Variants in ELN observed in about 807,000 individuals in gnomAD.
ELN encodes the protein elastin.
Under a neutral mutation model 105.8 loss-of-function variants are expected in ELN, and 65 were observed. The ratio of observed to expected loss-of-function variants is 0.61; its 90% CI spans 0.50 to 0.75. ELN has a LOEUF of 0.75. Ranked by LOEUF, ELN falls within the 30% of genes least tolerant of loss-of-function variation. ELN has a pLI of 0.00. For missense variants in ELN, 882 were observed against 969.4 expected (o/e 0.91, Z 1.20); for synonymous variants, 368 against 389.2 (o/e 0.95, Z 0.64).
At chr7:74,037,829 G>A in intron 4 of ELN, 90 bp downstream of exon 4, 1 of 1,554,608 alleles carries the variant, frequency 6.4e-7, no homozygotes, top group Non-Finnish European at 8.7e-7. Flanking sequence ...AAGGAAACTA[G>A]GAACAGGACA....
At position 74,043,033 on chromosome 7, in the gene ELN, A is replaced by G. The variant is rs1486339326; in HGVS notation, c.375A>G (p.Ala125=). The G allele has an allele frequency of 1.9e-6, 3 of 1,613,982 alleles. No homozygotes were observed. Among genetic ancestry groups the G allele is most frequent in the Admixed American group, 1.7e-5 (1 of 59,992 alleles). ...GAGTTGGTGGCTTAGGAGTGTCTGC[A>G]GGTACGATGGCTATCCCCGAACTCC... ...VPGVGGLGVS[A]GAVVPQPGAG... The change falls in exon 7 of 33, where the codon GCA becomes GCG. Residue 125 remains alanine, a splice_region_variant and synonymous_variant. Coordinates refer to ENST00000252034, the MANE Select transcript of ELN (RefSeq NM_000501.4).
chr7:74,029,764 C>T (rs1293219017), intron 1 of ELN, among the ~76,000 whole-genome samples: 3 of 152,226 alleles, frequency 2.0e-5, no homozygotes, highest in African/African-American at 7.2e-5. Context: ...ACCCAGCCAC[C>T]CTTCTTCCCA....
chr7:74,052,888 A>C (rs984778015), intron 17 of ELN: 13 of 491,870 alleles, frequency 2.6e-5, no homozygotes, highest in Admixed American at 1.7e-4. Flanking sequence ...AGAGAGAGAG[A>C]GAAAGAAAGA....
chr7:74,041,110 A>G, intron 4 of ELN, 106 bp from the exon 5 acceptor site: 1 of 1,449,392 alleles, frequency 6.9e-7, no homozygotes, highest in Non-Finnish European at 9.7e-7. Context: ...GGACCAGCCT[A>G]GGGACCTGAG....
chr7:74,058,164 C>G (rs535854909), intron 22 of ELN, among the ~76,000 whole-genome samples: 1 of 148,714 alleles, frequency 6.7e-6, no homozygotes, highest in East Asian at 2.0e-4. Flanking sequence ...GCTTCTTTTC[C>G]TTCTCCTCCC....
At chr7:74,048,828 T>TATTCATCTGCCCATCCATGC (rs1554674193) in intron 15 of ELN, among the ~76,000 whole-genome samples, 1 of 150,640 alleles carries the variant, frequency 6.6e-6, no homozygotes, top group Non-Finnish European at 1.5e-5. Context: ...TCCATTCATG[T>TATTCATCTGCCCATCCATGC]ACTCATCTGC....
chr7:74,030,635 T>A (rs918699329), intron 1 of ELN, among the ~76,000 whole-genome samples: 1 of 152,040 alleles, frequency 6.6e-6, no homozygotes, highest in African/African-American at 2.4e-5. Flanking sequence ...TGGGCTCAAG[T>A]GATCCTCCCA....
At chr7:74,053,359 T>C in intron 18 of ELN, 50 bp downstream of exon 18, 3 of 1,497,262 alleles carry the variant, frequency 2.0e-6, no homozygotes, top group Non-Finnish European at 2.7e-6. Flanking sequence ...TGTGTGTGTG[T>C]ATTAGAGAGA....
At chr7:74,057,003 C>A (rs899919034) in intron 21 of ELN, among the ~76,000 whole-genome samples, 1 of 151,986 alleles carries the variant, frequency 6.6e-6, no homozygotes, top group Non-Finnish European at 1.5e-5. Flanking sequence ...TTTGGGAGGC[C>A]AAGGCAGGTG....
chr7:74,057,770 G>A (rs1242599579), intron 22 of ELN, 74 bp downstream of exon 22: 17 of 1,547,124 alleles, frequency 1.1e-5, no homozygotes, highest in African/African-American at 2.7e-5. Flanking sequence ...GGGTCTGACC[G>A]CCCAGCTTCC....
intron 8 of ELN, 193 bp from the exon 9 acceptor site, chr7:74,043,686 C>G (rs949343202): frequency 4.2e-6 from 3 of 706,546 alleles, no homozygotes; most frequent in Admixed American, 4.2e-5. Flanking sequence ...ATCCACACAC[C>G]GAAGAGTTTG....
intron 9 of ELN, 141 bp from the exon 10 acceptor site, chr7:74,045,081 T>C (rs1792147288): frequency 5.6e-6 from 5 of 888,152 alleles, no homozygotes; most frequent in Non-Finnish European, 9.1e-6. Flanking sequence ...ACAGGTCCTT[T>C]CTCCACCCAC....
rs1788026050 is a variant in ELN at position 74,028,848 on chromosome 7, C to G, written c.82+579C>G. Among the ~76,000 whole-genome samples, 4 of 152,228 alleles carry G rather than the reference C, an allele frequency of 2.6e-5. No individual in the cohort carries two copies. The South Asian group carries it at 8.3e-4, about 32-fold the overall frequency. ...TTCTCCCTGCTGAGGCAGGCAGGGACTCCTGGTATGCATTTGTGTGTGTGT... is the reference window on the plus strand; with the variant it reads ...TTCTCCCTGCTGAGGCAGGCAGGGAGTCCTGGTATGCATTTGTGTGTGTGT... On this transcript the variant is annotated intron_variant, in intron 1 of 32. Transcript: ENST00000252034.
At position 74,035,533 on chromosome 7, in the gene ELN, C is replaced by A. The variant is rs782620763; in HGVS notation, c.133+119C>A. The stretch of plus-strand genomic sequence containing the variant: ...ATTGACACGCCTACCAGAAGTCACA[C>A]CCACTTAAAAATGCAATTAACAAGA... On this transcript the variant is annotated intron_variant, in intron 2 of 32. Coordinates refer to ENST00000252034, the MANE Select transcript of ELN (RefSeq NM_000501.4). The A allele has an allele frequency of 1.4e-5, 18 of 1,242,692 alleles. 1 individual carries two copies. The Admixed American group carries it at 2.9e-4, about 20-fold the overall frequency. 77.0% of individuals were successfully genotyped at this position (1,242,692 alleles called of 1,614,324 possible). A position where few individuals can be genotyped will look rare whatever the true frequency, so the allele number is the denominator to read the frequency against.
intron 18 of ELN, among the ~76,000 whole-genome samples, chr7:74,054,154 G>A (rs1794745147): frequency 6.6e-6 from 1 of 152,168 alleles, no homozygotes; most frequent in Non-Finnish European, 1.5e-5. Context: ...GGTTGGGTGG[G>A]TGGATTGATA....
rs542395457 is a variant in ELN, at chr7:74,052,887, GAGAA to G, written c.950-260_950-257del. On this transcript the variant is annotated intron_variant, in intron 17 of 32. Coordinates refer to ENST00000252034, the MANE Select transcript of ELN (RefSeq NM_000501.4). ...AAAGAAAGAAAGAGAGAGAGAGAGA[GAGAA>G]AGAAAGAAAGAAAGAGAAAGGAAGG... The G allele has an allele frequency of 8.6e-4, 433 of 501,598 alleles. 1 individual carries two copies. The highest frequency in any genetic ancestry group is 1.7e-3 in the Middle Eastern group (3 of 1,786). The allele number at this position is 501,598 out of a possible 1,614,324, so 31.1% of individuals were successfully genotyped here. A position where few individuals can be genotyped will look rare whatever the true frequency, so the allele number is the denominator to read the frequency against.
At chr7:74,062,643 C>T (rs914801036) in intron 26 of ELN, among the ~76,000 whole-genome samples, 40 of 152,232 alleles carry the variant, frequency 2.6e-4, no homozygotes, top group Non-Finnish European at 4.4e-4. Context: ...CTCCATCTCC[C>T]GGGTTCAAGT....
intron 17 of ELN, chr7:74,052,399 A>G (rs533504954): frequency 4.0e-6 from 1 of 248,292 alleles, no homozygotes; most frequent in African/African-American, 2.2e-5. Context: ...CCTGAGCAAC[A>G]TACTGAGACC....
In ELN at chr7:74,063,012, A is replaced by G; in HGVS notation, c.1787-141A>G. 1 of 1,114,178 alleles carries G rather than the reference A, an allele frequency of 9.0e-7. No individual in the cohort carries two copies. Among genetic ancestry groups the G allele is most frequent in the South Asian group, 1.5e-5 (1 of 65,304 alleles). 69.0% of individuals were successfully genotyped at this position (1,114,178 alleles called of 1,614,324 possible). ...CAAAACCCCATCTCAAAATGAAACA[A>G]AATATGGACTGGACTTCCTGTCCAC... On this transcript the variant is annotated intron_variant, in intron 26 of 32. Transcript: ENST00000252034. This position sits in a 1 kb window ranked among gnomAD's most constrained non-coding sequence, Gnocchi z 4.1.
Sources: gnomAD v4.1 joint callset for allele counts (sites outside exome capture counted in the v4.1 genomes callset) on GRCh38, gnomAD v4.1.1 for gene constraint, Gnocchi (gnomAD v3.1) non-coding constraint, MANE v1.5 for transcripts, NCBI Gene and HGNC (gene_info 2026-07-23, HGNC 2026-07-21) for gene names.